Variants in DNAH11 observed in about 807,000 individuals in gnomAD.
DNAH11 encodes the protein axonemal beta dynein heavy chain 11.
DNAH11 carries 442 observed loss-of-function variants against 526.0 expected under a neutral mutation model. That is an observed-to-expected ratio of 0.84 (90% CI 0.78 to 0.91). The LOEUF is 0.91. Ranked by LOEUF, DNAH11 falls within the 40% of genes least tolerant of loss-of-function variation. The pLI, the probability that DNAH11 is intolerant of heterozygous loss-of-function variation, is 0.00. For missense variants in DNAH11, 6,989 were observed against 5,448.7 expected (o/e 1.28, Z -8.90); for synonymous variants, 2,461 against 1,935.9 (o/e 1.27, Z -7.12).
intron 35 of DNAH11, among the ~76,000 whole-genome samples, chr7:21,696,522 G>T (rs1783859432): frequency 6.6e-6 from 1 of 152,138 alleles, no homozygotes. Flanking sequence ...AATAACTACA[G>T]AATAGCTTTG....
chr7:21,807,298 A>G (rs1562558003), intron 62 of DNAH11, among the ~76,000 whole-genome samples: 2 of 152,170 alleles, frequency 1.3e-5, no homozygotes, highest in South Asian at 4.1e-4. Flanking sequence ...CATGAGTTTG[A>G]GACCAGCCTG....
intron 30 of DNAH11, among the ~76,000 whole-genome samples, chr7:21,675,078 C>T (rs1455425486): frequency 6.7e-6 from 1 of 150,062 alleles, no homozygotes; most frequent in African/African-American, 2.5e-5. Flanking sequence ...TCTTTTCTTC[C>T]AGTCTTACCT....
At chr7:21,607,333 A>G (rs1785333408) in intron 20 of DNAH11, among the ~76,000 whole-genome samples, 1 of 152,072 alleles carries the variant, frequency 6.6e-6, no homozygotes, top group Non-Finnish European at 1.5e-5. Context: ...GATGGTGCCC[A>G]CCCAGATTGA....
chr7:21,893,616 C>A (rs1162083411), intron 77 of DNAH11, among the ~76,000 whole-genome samples: 1 of 152,194 alleles, frequency 6.6e-6, no homozygotes, highest in African/African-American at 2.4e-5. Flanking sequence ...ATCTTTTCTC[C>A]TTTCTAGATA....
intron 9 of DNAH11, among the ~76,000 whole-genome samples, chr7:21,584,641 C>G (rs571070770): frequency 2.1e-4 from 32 of 152,238 alleles, no homozygotes; most frequent in African/African-American, 7.5e-4. Flanking sequence ...AACTCAGGTG[C>G]CAGCCATCAG....
At chr7:21,681,739 C>T (rs1456860296) in intron 31 of DNAH11, 62 bp downstream of exon 31, 3 of 1,587,074 alleles carry the variant, frequency 1.9e-6, no homozygotes, top group East Asian at 2.2e-5. Context: ...TGTTTATTGC[C>T]AGAGTAGTTC....
At chr7:21,686,360 A>T (rs1783374804) in intron 32 of DNAH11, among the ~76,000 whole-genome samples, 2 of 152,316 alleles carry the variant, frequency 1.3e-5, no homozygotes, top group Middle Eastern at 3.4e-3. Context: ...TGCTGTCTGT[A>T]CTAAGAGAAA....
intron 8 of DNAH11, 43 bp downstream of exon 8, chr7:21,572,016 A>AT (rs1783912924): frequency 7.0e-7 from 1 of 1,420,204 alleles, no homozygotes; most frequent in South Asian, 1.8e-5. Flanking sequence ...GGATCCTATA[A>AT]TTTTATAGCT....
chr7:21,631,246 C>T (rs973467666), intron 25 of DNAH11, among the ~76,000 whole-genome samples: 3 of 152,198 alleles, frequency 2.0e-5, no homozygotes, highest in Non-Finnish European at 2.9e-5. Context: ...CCACTGGGTC[C>T]TTCTCACAAA....
chr7:21,543,292 C>A lies in DNAH11; in HGVS notation c.47C>A (p.Ala16Asp). ...CGGGAGGCGCGAGACTTCAGAGAAG[C>A]CCCGACCCTTCGCCTAACCTCGGGG... ...AAREARDFRE[A>D]PTLRLTSGAG... is the part of the protein sequence containing the mutation. The change falls in exon 1 of 82, where the codon GCC becomes GAC. Residue 16 changes from alanine to aspartate, a missense_variant. Transcript: ENST00000409508. 6.5e-7 allele frequency: 1 copy of A among 1,547,880 alleles called. No individual in the cohort carries two copies. Among genetic ancestry groups the A allele is most frequent in the Non-Finnish European group, 8.7e-7 (1 of 1,145,938 alleles).
In DNAH11 at chr7:21,811,178, C is replaced by T. The variant is rs1224922771; in HGVS notation, c.10332+3129C>T. On this transcript the variant is annotated intron_variant, in intron 63 of 81. Transcript: ENST00000409508. Reference sequence around the variant, plus strand: ...ATTAGGCTAACTGAAATTAGCCAGTCACAGCTGGACCTGGTGGCTAATGCG... The same window carrying T: ...ATTAGGCTAACTGAAATTAGCCAGTTACAGCTGGACCTGGTGGCTAATGCG... 3.9e-5 allele frequency among the ~76,000 whole-genome samples: 6 copies of T among 152,044 alleles called. No individual in the cohort carries two copies. In the South Asian group the frequency reaches 1.0e-3, roughly 26 times the overall value.
At position 21,789,308 on chromosome 7, in the gene DNAH11, C is replaced by A; in HGVS notation, c.9992C>A (p.Thr3331Asn). Residue 3331 changes from threonine (T) to asparagine (N), a missense_variant, in exon 61 of 82, where the codon ACT (threonine) becomes AAT (asparagine). By Grantham distance (65) the Thr-to-Asn change is moderately conservative (BLOSUM62 0). Coordinates refer to ENST00000409508, the MANE Select transcript of DNAH11 (RefSeq NM_001277115.2). The part of the protein sequence containing the change: ...AQANLELAAA[T>N]EKLEAIRKKL... ...GCAAACTTAGAACTGGCTGCAGCTA[C>A]TGAAAAACTAGAGGCTATCAGGAAA... The A allele has an allele frequency of 6.3e-7, 1 of 1,575,598 alleles. No homozygotes were observed. The highest frequency in any genetic ancestry group is 2.3e-5 in the East Asian group (1 of 43,036).
Position 21,588,547 on chromosome 7 carries a change from G to T in DNAH11, c.1884G>T (p.Met628Ile), listed in dbSNP as rs1173682076. Residue 628 changes from methionine to isoleucine, a missense_variant, in exon 11 of 82, where the codon ATG becomes ATT. Coordinates refer to ENST00000409508, the MANE Select transcript of DNAH11 (RefSeq NM_001277115.2). The part of the protein sequence containing the change: ...ECGHVVLNKN[M>I]PFTSGNMKWA... ...GTCATGTAGTTCTTAACAAGAACAT[G>T]CCATTTACCTCAGGAAATATGAAAT... The T allele has an allele frequency of 6.2e-7, 1 of 1,613,538 alleles. No individual in the cohort carries two copies. Among genetic ancestry groups the T allele is most frequent in the East Asian group, 2.2e-5 (1 of 44,852 alleles).
Position 21,543,117 on chromosome 7 carries a change from C to T in DNAH11, c.-129C>T. 7.0e-7 allele frequency: 1 copy of T among 1,430,332 alleles called. No homozygotes were observed. Among genetic ancestry groups the T allele is most frequent in the Non-Finnish European group, 9.1e-7 (1 of 1,099,580 alleles). 88.6% of individuals were successfully genotyped at this position (1,430,332 alleles called of 1,614,324 possible). A position where few individuals can be genotyped will look rare whatever the true frequency, so the allele number is the denominator to read the frequency against. On this transcript the variant is annotated 5_prime_UTR_variant, in exon 1 of 82. Transcript: ENST00000409508. Reference sequence around the variant, plus strand: ...CTGCTAAGTAGCAGCAGGTGGGAGACTAGGGTCTGCGCTCGCGGCGACCGC... The same window carrying T: ...CTGCTAAGTAGCAGCAGGTGGGAGATTAGGGTCTGCGCTCGCGGCGACCGC...
intron 30 of DNAH11, among the ~76,000 whole-genome samples, chr7:21,667,003 A>G (rs955284765): frequency 6.6e-6 from 1 of 152,160 alleles, no homozygotes; most frequent in African/African-American, 2.4e-5. Flanking sequence ...AACAGAGAAA[A>G]TCAGTCCAAA....
intron 42 of DNAH11, among the ~76,000 whole-genome samples, chr7:21,717,144 T>C (rs1234400179): frequency 6.6e-6 from 1 of 152,142 alleles, no homozygotes; most frequent in Non-Finnish European, 1.5e-5. Flanking sequence ...AGTATTATTT[T>C]ACTAATACAT....
chr7:21,666,785 T>C (rs1483952890), intron 30 of DNAH11, among the ~76,000 whole-genome samples: 1 of 151,786 alleles, frequency 6.6e-6, no homozygotes, highest in East Asian at 1.9e-4. Context: ...TATATAACAA[T>C]GTGATCTGAT....
At chr7:21,746,542 G>A (rs944744926) in intron 51 of DNAH11, among the ~76,000 whole-genome samples, 4 of 152,142 alleles carry the variant, frequency 2.6e-5, no homozygotes, top group African/African-American at 7.2e-5. Flanking sequence ...GTTCGAGGTT[G>A]CAGTGGGCTA....
At chr7:21,662,800 G>A (rs1369592898) in intron 30 of DNAH11, among the ~76,000 whole-genome samples, 1 of 152,012 alleles carries the variant, frequency 6.6e-6, no homozygotes, top group Admixed American at 6.6e-5. Flanking sequence ...TGCTGTTTAT[G>A]TAAATTGGAC....
Sources: gnomAD v4.1 joint callset for allele counts (sites outside exome capture counted in the v4.1 genomes callset) on GRCh38, gnomAD v4.1.1 for gene constraint, MANE v1.5 for transcripts, NCBI Gene and HGNC (gene_info 2026-07-23, HGNC 2026-07-21) for gene names.